The following SH3BP4 variants were observed in gnomAD, a reference collection of about 807,000 sequenced individuals.
The protein encoded by SH3BP4 is SH3 domain-binding protein 4.
Under a neutral mutation model 65.5 loss-of-function variants are expected in SH3BP4, and 33 were observed. The ratio of observed to expected loss-of-function variants is 0.50; its 90% CI spans 0.38 to 0.67. SH3BP4 has a LOEUF of 0.67. Among genes scored for constraint, SH3BP4 ranks in the 30% least tolerant of loss-of-function variants. SH3BP4 has a pLI of 0.00. For missense variants in SH3BP4, 1,134 were observed against 1,261.4 expected, an observed-to-expected ratio of 0.90 and a Z score of 1.53; for synonymous variants, 552 against 545.5, an observed-to-expected ratio of 1.01 and a Z score of -0.17.
rs1559262554 is a variant in SH3BP4, at chr2:235,052,534, C to T, written c.2479-28C>T. ...GAGCCTGCCCCACTCCCTACACTGTCTCACGCTGTGTGCCTCTTCCTCTGC... is the reference window on the plus strand; with the variant it reads ...GAGCCTGCCCCACTCCCTACACTGTTTCACGCTGTGTGCCTCTTCCTCTGC... On this transcript the variant is annotated intron_variant, in intron 4 of 5. Transcript: ENST00000392011. The surrounding 1 kb of genome is among the most constrained non-coding windows in gnomAD (Gnocchi z 5.0). 6.6e-7 allele frequency: 1 copy of T among 1,526,482 alleles called. No individual in the cohort carries two copies. Among genetic ancestry groups the T allele is most frequent in the Non-Finnish European group, 8.8e-7 (1 of 1,132,670 alleles). The allele number at this position is 1,526,482 out of a possible 1,614,324, so 94.6% of individuals were successfully genotyped here. A position where few individuals can be genotyped will look rare whatever the true frequency, so the allele number is the denominator to read the frequency against.
At chr2:235,047,712 A>G (rs949865777) in intron 4 of SH3BP4, among the ~76,000 whole-genome samples, 2 of 152,192 alleles carry the variant, frequency 1.3e-5, no homozygotes, top group Admixed American at 6.5e-5. Context: ...AGAACTTCCT[A>G]AGGGGCCAGA....
chr2:235,030,202 AGGTGGAT>A lies in SH3BP4; in HGVS notation c.-132-4664_-132-4658del, dbSNP rs1334945975. Among the ~76,000 whole-genome samples the A allele has an allele frequency of 6.6e-6, 1 of 152,066 alleles. No homozygotes were observed. Among genetic ancestry groups the A allele is most frequent in the African/African-American group, 2.4e-5 (1 of 41,398 alleles). On this transcript the variant is annotated intron_variant, in intron 2 of 5. Coordinates refer to ENST00000392011, the MANE Select transcript of SH3BP4 (RefSeq NM_014521.3). This position sits in a 1 kb window ranked among gnomAD's most constrained non-coding sequence, Gnocchi z 4.1. ...TTTGAGAAAATCAAGGGCTCACCAG[AGGTGGAT>A]GGTGAGGAGCTTGAGGAGCTCCAGG...
Position 234,985,833 on chromosome 2 carries a change from A to G in SH3BP4, c.-206-9470A>G, listed in dbSNP as rs115294315. Among the ~76,000 whole-genome samples the G allele has an allele frequency of 9.6e-3, 1,432 of 148,636 alleles. 23 individuals are homozygous for G. The highest frequency in any genetic ancestry group is 0.031 in the African/African-American group (1,251 of 39,858). The stretch of plus-strand genomic sequence containing the variant: ...CACGCCTACGAGCTCAAGGAGCATG[A>G]TGCAGGTGAACCAGCCCTGGATACA... On this transcript the variant is annotated intron_variant, in intron 1 of 5. Transcript: ENST00000392011.
At position 235,036,756 on chromosome 2, in the gene SH3BP4, A is replaced by AATAATAATAATAATAATG. The variant is rs1473227724; in HGVS notation, c.118+1638_118+1639insAATAATAATAATAATGAT. On this transcript the variant is annotated intron_variant, in intron 3 of 5. Transcript: ENST00000392011. ...CTATATAAAAAATAATAATAATAAT[A>AATAATAATAATAATAATG]ATGACAGTGCTCTGGAGGAAATATT... Among the ~76,000 whole-genome samples the AATAATAATAATAATAATG allele has an allele frequency of 1.7e-4, 26 of 151,402 alleles. No individual in the cohort carries two copies. In the East Asian group the frequency reaches 4.7e-3, roughly 27 times the overall value.
In SH3BP4 at chr2:234,997,764, ACTCAT is replaced by A. The variant is rs1248118340; in HGVS notation, c.-133+2393_-133+2397del. ...ACCCTGCCTGTTTCACAGATGAGAA[ACTCAT>A]CTCAGAGTACTCAGAAACCCAGAAT... On this transcript the variant is annotated intron_variant, in intron 2 of 5. Transcript: ENST00000392011. The surrounding 1 kb of genome is among the most constrained non-coding windows in gnomAD (Gnocchi z 4.2). Among the ~76,000 whole-genome samples the A allele has an allele frequency of 1.3e-5, 2 of 151,980 alleles. No individual in the cohort carries two copies. The highest frequency in any genetic ancestry group is 4.8e-5 in the African/African-American group (2 of 41,364).
chr2:235,017,228 T>A (rs1411126067), intron 2 of SH3BP4, among the ~76,000 whole-genome samples: 1 of 151,734 alleles, frequency 6.6e-6, no homozygotes. Flanking sequence ...GGTGGGTGGA[T>A]CACGAGGTCA....
chr2:234,989,902 T>C (rs539000647), intron 1 of SH3BP4, among the ~76,000 whole-genome samples: 2 of 152,288 alleles, frequency 1.3e-5, no homozygotes, highest in African/African-American at 4.8e-5. Context: ...CATCCAAAAA[T>C]TTGAAATCCA....
At chr2:234,955,260 G>C (rs1396274409) in intron 1 of SH3BP4, among the ~76,000 whole-genome samples, 1 of 152,122 alleles carries the variant, frequency 6.6e-6, no homozygotes, top group African/African-American at 2.4e-5. Flanking sequence ...GCGAGCCTCA[G>C]GCCAAGCAAC....
chr2:235,038,372 TATACATATA>T (rs1559254588), intron 3 of SH3BP4, among the ~76,000 whole-genome samples: 14 of 46,660 alleles, frequency 3.0e-4, no homozygotes, highest in African/African-American at 7.1e-4. Flanking sequence ...ATATAATATA[TATACATATA>T]TATATATATA....
intron 1 of SH3BP4, among the ~76,000 whole-genome samples, chr2:234,962,344 G>C (rs1390739579): frequency 6.6e-6 from 1 of 151,982 alleles, no homozygotes; most frequent in African/African-American, 2.4e-5. Flanking sequence ...CACTGTGTTG[G>C]CCAGGCTGGT....
intron 1 of SH3BP4, among the ~76,000 whole-genome samples, chr2:234,953,919 G>T (rs184771623): frequency 2.6e-5 from 4 of 151,886 alleles, no homozygotes; most frequent in Admixed American, 2.0e-4. Context: ...TCTGCTTTCT[G>T]CTTGTAGGCG....
intron 1 of SH3BP4, among the ~76,000 whole-genome samples, chr2:234,993,372 G>A (rs1464139872): frequency 6.6e-6 from 1 of 152,198 alleles, no homozygotes; most frequent in Non-Finnish European, 1.5e-5. Flanking sequence ...CGATGGACCC[G>A]CCTGATGAAG....
intron 2 of SH3BP4, among the ~76,000 whole-genome samples, chr2:235,006,072 T>A (rs1013733971): frequency 6.6e-6 from 1 of 152,238 alleles, no homozygotes; most frequent in African/African-American, 2.4e-5. Flanking sequence ...CCGCCTGTCC[T>A]GGCATGGTGC....
chr2:235,006,642 C>T (rs4663178), intron 2 of SH3BP4, among the ~76,000 whole-genome samples: 25,690 of 152,090 alleles, frequency 0.17, 3,676 homozygotes, highest in East Asian at 0.72. Flanking sequence ...GGCCACCCAG[C>T]CTAGATTTCT....
chr2:234,961,985 A>G (rs1001511449), intron 1 of SH3BP4, among the ~76,000 whole-genome samples: 1 of 152,100 alleles, frequency 6.6e-6, no homozygotes, highest in African/African-American at 2.4e-5. Context: ...ACCAGCAGCA[A>G]GTGCCGGAGG....
intron 4 of SH3BP4, among the ~76,000 whole-genome samples, chr2:235,050,869 A>C (rs1696028070): frequency 6.6e-6 from 1 of 152,010 alleles, no homozygotes; most frequent in African/African-American, 2.4e-5. Flanking sequence ...TTTTTAGCAC[A>C]CTTTGGAGTC....
chr2:234,958,666 C>G lies in SH3BP4; in HGVS notation c.-207+6496C>G, dbSNP rs189521708. Among the ~76,000 whole-genome samples the G allele has an allele frequency of 8.8e-3, 1,324 of 150,946 alleles. 13 individuals carry two copies. The highest frequency in any genetic ancestry group is 0.03 in the African/African-American group (1,229 of 41,034). The stretch of plus-strand genomic sequence containing the variant: ...TGGGAGAACAAGTGCCCTGCGGGGC[C>G]CTGAAGTCAAGGAGGAGAAAGATGG... On this transcript the variant is annotated intron_variant, in intron 1 of 5. Coordinates refer to ENST00000392011, the MANE Select transcript of SH3BP4 (RefSeq NM_014521.3).
intron 2 of SH3BP4, among the ~76,000 whole-genome samples, chr2:235,003,366 T>C (rs919940840): frequency 6.6e-6 from 1 of 152,242 alleles, no homozygotes; most frequent in Non-Finnish European, 1.5e-5. Context: ...AGGGTACCAA[T>C]GTATTCATTT....
intron 1 of SH3BP4, among the ~76,000 whole-genome samples, chr2:234,986,053 A>G (rs984209879): frequency 7.0e-6 from 1 of 142,748 alleles, no homozygotes; most frequent in African/African-American, 2.7e-5. Context: ...CTTGATATAC[A>G]CCTATGAGCT....
Sources: gnomAD v4.1 joint callset for allele counts (sites outside exome capture counted in the v4.1 genomes callset) on GRCh38, gnomAD v4.1.1 for gene constraint, Gnocchi (gnomAD v3.1) non-coding constraint, MANE v1.5 for transcripts, NCBI Gene and HGNC (gene_info 2026-07-23, HGNC 2026-07-21) for gene names.